The following CR2 variants were observed in gnomAD, a reference collection of about 807,000 sequenced individuals.
CR2 encodes complement receptor type 2.
A neutral mutation model predicts 123.0 loss-of-function variants in CR2; 96 were observed. The observed-to-expected ratio is 0.78, with a 90% CI of 0.66 to 0.93. CR2 has a LOEUF of 0.93. Among genes scored for constraint, CR2 ranks in the 40% least tolerant of loss-of-function variants. The probability of loss-of-function intolerance (pLI) is 0.00; values close to 1 mark genes in which losing one functional copy is unlikely to be tolerated. For synonymous variants in CR2, 484 were observed against 469.5 expected, an observed-to-expected ratio of 1.03 and a Z score of -0.40; for missense variants, 1,258 against 1,361.0, an observed-to-expected ratio of 0.92 and a Z score of 1.19.
intron 18 of CR2, among the ~76,000 whole-genome samples, chr1:207,483,553 CTGT>C (rs778378080): frequency 4.6e-4 from 46 of 99,208 alleles, no homozygotes; most frequent in Non-Finnish European, 1.1e-3. Context: ...ATACTGCACA[CTGT>C]TTTTTTTTCT....
chr1:207,471,489 T>C lies in CR2; in HGVS notation c.1560T>C (p.Arg520=). ...QGTIPWFMEI[R]LCKEITCPPP... is the part of the protein sequence containing the mutation. Reference sequence around the variant, plus strand: ...CAATTCCTTGGTTTATGGAGATTCGTCTTTGTAAAGGTGAGTAGCAAAAAT... The same window carrying C: ...CAATTCCTTGGTTTATGGAGATTCGCCTTTGTAAAGGTGAGTAGCAAAAAT... Residue 520 remains arginine, a synonymous_variant, in exon 9 of 20, where the codon CGT becomes CGC. Coordinates refer to ENST00000367057, the MANE Select transcript of CR2 (RefSeq NM_001006658.3). 1 of 1,609,658 alleles carries C rather than the reference T, an allele frequency of 6.2e-7. No individual in the cohort carries two copies. The highest frequency in any genetic ancestry group is 8.5e-7 in the Non-Finnish European group (1 of 1,176,054).
chr1:207,467,315 TA>T (rs1658130057), intron 2 of CR2, among the ~76,000 whole-genome samples: 1 of 151,972 alleles, frequency 6.6e-6, no homozygotes, highest in African/African-American at 2.4e-5. Context: ...AATGTATAAG[TA>T]GCTGCTAACA....
In CR2 at chr1:207,473,132, G is replaced by A. The variant is rs149972318; in HGVS notation, c.1931G>A (p.Cys644Tyr). 415 of 1,613,938 alleles carry A rather than the reference G, an allele frequency of 2.6e-4. No individual in the cohort carries two copies. Among genetic ancestry groups the A allele is most frequent in the South Asian group, 4.9e-4 (45 of 91,078 alleles). ...FTLKGSSQIR[C>Y]KADNTWDPEI... ...TTGAAGGGCAGTAGTCAGATTCGTT[G>A]CAAAGCTGATAACACCTGGGATCCT... Residue 644 changes from cysteine (C) to tyrosine (Y), a missense_variant, in exon 10 of 20, where the codon TGC becomes TAC. Physicochemically the swap from Cys to Tyr is radical, Grantham distance 194. Transcript: ENST00000367057.
Position 207,472,966 on chromosome 1 carries a change from C to T in CR2, c.1765C>T (p.Pro589Ser). Residue 589 changes from proline (P) to serine (S), a missense_variant, in exon 10 of 20, where the codon CCT becomes TCT. Coordinates refer to ENST00000367057, the MANE Select transcript of CR2 (RefSeq NM_001006658.3). Reference protein sequence around the residue: ...NDQERGTWSGPAPLCKLSLLA... With the variant: ...NDQERGTWSGSAPLCKLSLLA... ...TCAAGAAAGAGGCACCTGGAGTGGC[C>T]CTGCTCCCCTGTGTAAACTTTCCCT... 6.2e-7 allele frequency: 1 copy of T among 1,613,962 alleles called. No homozygotes were observed.
At chr1:207,468,778 T>C (rs745724633) in intron 3 of CR2, 22 bp from the exon 4 acceptor site, 1 of 1,613,990 alleles carries the variant, frequency 6.2e-7, no homozygotes, top group South Asian at 1.1e-5. Flanking sequence ...CATGCATTTC[T>C]CATCTTTGGT....
intron 1 of CR2, among the ~76,000 whole-genome samples, chr1:207,457,343 T>C (rs952697282): frequency 2.6e-5 from 4 of 152,214 alleles, no homozygotes; most frequent in Non-Finnish European, 5.9e-5. Context: ...CCTCTTGCCT[T>C]TGCAAGGACT....
chr1:207,470,001 T>C lies in CR2; in HGVS notation c.1124T>C (p.Val375Ala). Residue 375 changes from valine to alanine, a missense_variant, in exon 6 of 20, where the codon GTG becomes GCG. Val to Ala is a moderately conservative substitution (Grantham distance 64, BLOSUM62 0). Transcript: ENST00000367057. ...QKDRYTYNDTVIFACMFGFTL... is the reference protein window; with the variant it reads ...QKDRYTYNDTAIFACMFGFTL... ...GATCGATATACCTATAACGACACTG[T>C]GATATTTGCTTGCATGTTTGGCTTC... is the stretch of plus-strand genomic sequence containing the variant. 6.2e-7 allele frequency: 1 copy of C among 1,613,956 alleles called. No homozygotes were observed. The highest frequency in any genetic ancestry group is 8.5e-7 in the Non-Finnish European group (1 of 1,179,914).
chr1:207,473,557 C>T lies in CR2; in HGVS notation c.1991C>T (p.Pro664Leu). 1.2e-6 allele frequency: 2 copies of T among 1,613,784 alleles called. No individual in the cohort carries two copies. The highest frequency in any genetic ancestry group is 1.1e-5 in the South Asian group (1 of 91,072). The stretch of plus-strand genomic sequence containing the variant: ...TTTTTCTCTTCAGGCTGCCAGTCAC[C>T]TCCTGGGCTCCACCATGGTCGTCAT... ...IPVCEKGCQS[P>L]PGLHHGRHTG... The change falls in exon 11 of 20, where the codon CCT (proline) becomes CTT (leucine). Residue 664 changes from proline (P) to leucine (L), a missense_variant. Pro to Leu is a moderately conservative substitution (Grantham distance 98, BLOSUM62 -3). Transcript: ENST00000367057.
At chr1:207,480,734 G>T (rs1658581513) in intron 18 of CR2, among the ~76,000 whole-genome samples, 1 of 152,062 alleles carries the variant, frequency 6.6e-6, no homozygotes, top group Non-Finnish European at 1.5e-5. Flanking sequence ...GATATGTCGT[G>T]TTTCTCAACC....
intron 1 of CR2, among the ~76,000 whole-genome samples, chr1:207,460,707 C>T (rs1657944394): frequency 6.6e-6 from 1 of 152,016 alleles, no homozygotes; most frequent in Non-Finnish European, 1.5e-5. Context: ...CTAAGTGTAT[C>T]ATTGCTATAG....
At chr1:207,487,009 C>G (rs1658767911) in intron 19 of CR2, among the ~76,000 whole-genome samples, 3 of 152,044 alleles carry the variant, frequency 2.0e-5, no homozygotes. Flanking sequence ...TTGTACATAA[C>G]AAGGAGACTG....
intron 1 of CR2, among the ~76,000 whole-genome samples, chr1:207,464,850 T>C (rs543785403): frequency 2.0e-5 from 3 of 152,162 alleles, no homozygotes; most frequent in South Asian, 4.1e-4. Context: ...ATGGTACCTA[T>C]GGAAAGAGCA....
Position 207,454,693 on chromosome 1 carries a change from C to T in CR2, c.58+217C>T, listed in dbSNP as rs1657785216. The T allele has an allele frequency of 1.6e-5, 8 of 495,824 alleles. No individual in the cohort carries two copies. In the South Asian group the frequency reaches 2.0e-4, roughly 12 times the overall value. The allele number at this position is 495,824 out of a possible 1,614,324, so 30.7% of individuals were successfully genotyped here. A position where few individuals can be genotyped will look rare whatever the true frequency, so the allele number is the denominator to read the frequency against. On this transcript the variant is annotated intron_variant, in intron 1 of 19. Coordinates refer to ENST00000367057, the MANE Select transcript of CR2 (RefSeq NM_001006658.3). This position sits in a 1 kb window ranked among gnomAD's most constrained non-coding sequence, Gnocchi z 4.3. ...GAGCTGGGACCTCCAGAATTGGAGG[C>T]TGCGCCACAGAGGGGCGCTGTCTGG...
At chr1:207,467,570 A>C (rs1269830699) in intron 2 of CR2, among the ~76,000 whole-genome samples, 1 of 152,212 alleles carries the variant, frequency 6.6e-6, no homozygotes, top group Non-Finnish European at 1.5e-5. Flanking sequence ...AAATTATACT[A>C]TCAAATTAGG....
intron 13 of CR2, 105 bp downstream of exon 13, chr1:207,474,428 C>A: frequency 1.2e-6 from 1 of 857,708 alleles, no homozygotes; most frequent in Non-Finnish European, 2.0e-6. Context: ...AGGCGTCTCC[C>A]TCATTGGAGG....
rs371283468 is a variant in CR2, at chr1:207,473,653, T to C, written c.2087T>C (p.Leu696Pro). The stretch of plus-strand genomic sequence containing the variant: ...TACACTTGTGACCCTGGCTATTTGC[T>C]TGTGGGAAACAAATCCATTCACTGT... ...VDYTCDPGYL[L>P]VGNKSIHCMP... The change falls in exon 11 of 20, where the codon CTT becomes CCT. Residue 696 changes from leucine to proline, a missense_variant. Transcript: ENST00000367057. The C allele has an allele frequency of 1.5e-5, 24 of 1,613,948 alleles. No homozygotes were observed. Among genetic ancestry groups the C allele is most frequent in the Non-Finnish European group, 1.7e-5 (20 of 1,179,916 alleles).
rs1175408505 is a variant in CR2 at position 207,472,839 on chromosome 1, T to C, written c.1638T>C (p.Phe546=). 1 of 1,613,894 alleles carries C rather than the reference T, an allele frequency of 6.2e-7. No individual in the cohort carries two copies. The highest frequency in any genetic ancestry group is 1.7e-5 in the Admixed American group (1 of 59,952). Residue 546 remains phenylalanine (F), a synonymous_variant, in exon 10 of 20, where the codon TTT becomes TTC. Transcript: ENST00000367057. ...GAHTGSSLED[F]PYGTTVTYTC... is the part of the protein sequence containing the mutation. ...ACACCGGGAGTTCCTTAGAAGATTT[T>C]CCATATGGAACCACGGTCACTTACA...
At chr1:207,482,352 TA>T (rs1658627262) in intron 18 of CR2, among the ~76,000 whole-genome samples, 1 of 152,148 alleles carries the variant, frequency 6.6e-6, no homozygotes, top group Non-Finnish European at 1.5e-5. Context: ...TCCAACATAT[TA>T]AGTTGATGGA....
chr1:207,470,300 G>GA (rs922675452), intron 6 of CR2, among the ~76,000 whole-genome samples, 198 bp downstream of exon 6: 3 of 151,914 alleles, frequency 2.0e-5, no homozygotes, highest in African/African-American at 4.8e-5. Context: ...AATATGCTTG[G>GA]AAAAAATGTT....
Sources: gnomAD v4.1 joint callset for allele counts (sites outside exome capture counted in the v4.1 genomes callset) on GRCh38, gnomAD v4.1.1 for gene constraint, Gnocchi (gnomAD v3.1) non-coding constraint, MANE v1.5 for transcripts, NCBI Gene and HGNC (gene_info 2026-07-23, HGNC 2026-07-21) for gene names.